The following IL23R variants were observed in gnomAD, a reference collection of about 807,000 sequenced individuals.
The protein encoded by IL23R is interleukin-23 receptor.
IL23R carries 34 observed loss-of-function variants against 56.9 expected under a neutral mutation model. The ratio of observed to expected loss-of-function variants is 0.60; its 90% CI spans 0.45 to 0.80. The LOEUF is 0.80. Ranked by LOEUF, IL23R falls within the 30% of genes least tolerant of loss-of-function variation. The pLI, the probability that IL23R is intolerant of heterozygous loss-of-function variation, is 0.00. For synonymous variants in IL23R, 230 were observed against 249.2 expected (o/e 0.92, Z 0.73); for missense variants, 635 against 730.0 (o/e 0.87, Z 1.50).
chr1:67,248,662 G>T (rs990521716), intron 9 of IL23R, among the ~76,000 whole-genome samples: 1 of 152,184 alleles, frequency 6.6e-6, no homozygotes, highest in Non-Finnish European at 1.5e-5. Flanking sequence ...TGCTGGCGAG[G>T]AGTTGTGATC....
chr1:67,207,372 T>C (rs1285758334), intron 6 of IL23R, among the ~76,000 whole-genome samples: 2 of 152,178 alleles, frequency 1.3e-5, no homozygotes, highest in African/African-American at 4.8e-5. Context: ...CTCCACACTC[T>C]AGTGTGGTCC....
intron 1 of IL23R, among the ~76,000 whole-genome samples, chr1:67,140,443 AT>A (rs1646626157): frequency 6.6e-6 from 1 of 152,192 alleles, no homozygotes; most frequent in South Asian, 2.1e-4. Flanking sequence ...CCTACAAATG[AT>A]CATTAATTAT....
At chr1:67,149,961 G>C (rs1646713719) in intron 1 of IL23R, among the ~76,000 whole-genome samples, 1 of 152,116 alleles carries the variant, frequency 6.6e-6, no homozygotes, top group Non-Finnish European at 1.5e-5. Context: ...TCGAAAAATT[G>C]CTTTGGCTCT....
intron 1 of IL23R, among the ~76,000 whole-genome samples, chr1:67,139,519 A>T (rs971555307): frequency 6.6e-6 from 1 of 152,202 alleles, no homozygotes; most frequent in Non-Finnish European, 1.5e-5. Context: ...CTTCAGTCCT[A>T]GGCTTTTTCC....
At chr1:67,190,114 C>T (rs1476778633) in intron 4 of IL23R, among the ~76,000 whole-genome samples, 2 of 152,186 alleles carry the variant, frequency 1.3e-5, no homozygotes, top group African/African-American at 4.8e-5. Context: ...CAGAGATCAG[C>T]ATGTGCAAGG....
At chr1:67,178,186 T>G (rs1647037386) in intron 3 of IL23R, among the ~76,000 whole-genome samples, 1 of 152,188 alleles carries the variant, frequency 6.6e-6, no homozygotes, top group Non-Finnish European at 1.5e-5. Flanking sequence ...GGGATGGCAT[T>G]GAATCTATAA....
intron 4 of IL23R, among the ~76,000 whole-genome samples, chr1:67,191,945 C>T (rs1232071805): frequency 1.4e-5 from 2 of 146,822 alleles, no homozygotes; most frequent in African/African-American, 5.1e-5. Context: ...TCATAGTGAC[C>T]CAGAGCTCTA....
intron 7 of IL23R, among the ~76,000 whole-genome samples, chr1:67,221,784 ATT>A (rs1570878785): frequency 6.6e-6 from 1 of 152,210 alleles, no homozygotes; most frequent in African/African-American, 2.4e-5. Context: ...TTTGACATAC[ATT>A]ATAAATATTG....
intron 5 of IL23R, 66 bp from the exon 6 acceptor site, chr1:67,206,844 G>C (rs1237301802): frequency 6.9e-7 from 1 of 1,459,738 alleles, no homozygotes; most frequent in Non-Finnish European, 9.1e-7. Context: ...TTGACGAAAA[G>C]ATGCCAGTTT....
intron 6 of IL23R, among the ~76,000 whole-genome samples, chr1:67,213,360 G>A (rs970905604): frequency 6.6e-6 from 1 of 152,110 alleles, no homozygotes; most frequent in African/African-American, 2.4e-5. Flanking sequence ...TAGCCTCTAG[G>A]GGAGCCATGC....
In IL23R at chr1:67,139,578, T is replaced by C. The variant is rs558697873; in HGVS notation, c.-634+417T>C. Among the ~76,000 whole-genome samples, 3 of 152,372 alleles carry C rather than the reference T, an allele frequency of 2.0e-5. No individual in the cohort carries two copies. In the East Asian group the frequency reaches 5.8e-4, roughly 29 times the overall value. ...AAGACCACAACTTAATATTTACTTA[T>C]GTTTTTAAAGATCACAACAGTAAAC... On this transcript the variant is annotated intron_variant, in intron 1 of 10. Transcript: ENST00000637002.
chr1:67,196,825 CGAA>C (rs1334533902), intron 4 of IL23R, among the ~76,000 whole-genome samples: 7 of 152,040 alleles, frequency 4.6e-5, no homozygotes, highest in Non-Finnish European at 1.0e-4. Flanking sequence ...TTAAAGGTGA[CGAA>C]GAGAAAATTG....
At chr1:67,190,028 G>T (rs1030734746) in intron 4 of IL23R, among the ~76,000 whole-genome samples, 1 of 152,170 alleles carries the variant, frequency 6.6e-6, no homozygotes, top group African/African-American at 2.4e-5. Flanking sequence ...GAATGTTGTG[G>T]TCGAGGTAGT....
chr1:67,265,708 G>A, the IL23R span, among the ~76,000 whole-genome samples: 2 of 152,050 alleles, frequency 1.3e-5, no homozygotes, highest in Admixed American at 6.6e-5. Context: ...CCTAAATGTG[G>A]AATTGCTGGG....
chr1:67,227,936 A>G (rs1166691638), intron 7 of IL23R, among the ~76,000 whole-genome samples: 1 of 98,450 alleles, frequency 1.0e-5, no homozygotes, highest in African/African-American at 3.7e-5. Flanking sequence ...ACTACAGAAC[A>G]AAGATCTTTC....
intron 3 of IL23R, among the ~76,000 whole-genome samples, chr1:67,179,125 G>A (rs140674856): frequency 0.01 from 1,551 of 152,292 alleles, 26 homozygotes; most frequent in African/African-American, 0.036. Flanking sequence ...GAAGATGCTG[G>A]CCTCATAAAA....
At chr1:67,217,922 G>T (rs1013281045) in intron 6 of IL23R, among the ~76,000 whole-genome samples, 2 of 149,626 alleles carry the variant, frequency 1.3e-5, no homozygotes, top group East Asian at 4.0e-4. Flanking sequence ...AATCTCAATC[G>T]TTGTAACTTT....
chr1:67,178,278 T>C (rs560375045), intron 3 of IL23R, among the ~76,000 whole-genome samples: 1 of 152,328 alleles, frequency 6.6e-6, no homozygotes, highest in East Asian at 1.9e-4. Context: ...TTTGTTTGTG[T>C]CCTCTTTTAT....
At chr1:67,262,262 C>G (rs947583874), downstream of IL23R, among the ~76,000 whole-genome samples, 1 of 151,982 alleles carries the variant, frequency 6.6e-6, no homozygotes, top group African/African-American at 2.4e-5. Context: ...AAGAGACAGA[C>G]AGTAAATTAG....
Sources: gnomAD v4.1 joint callset for allele counts (sites outside exome capture counted in the v4.1 genomes callset) on GRCh38, gnomAD v4.1.1 for gene constraint, MANE v1.5 for transcripts, NCBI Gene and HGNC (gene_info 2026-07-23, HGNC 2026-07-21) for gene names.